MGAT4C: variants seen among roughly 807,000 people sequenced by gnomAD.
MGAT4C encodes alpha-1,3-mannosyl-glycoprotein 4-beta-N-acetylglucosaminyltransferase C.
Under a neutral mutation model 40.1 loss-of-function variants are expected in MGAT4C, and 19 were observed. That is an observed-to-expected ratio of 0.47 (90% CI 0.33 to 0.70). The LOEUF is 0.70. Among genes scored for constraint, MGAT4C ranks in the 30% least tolerant of loss-of-function variants. The pLI, the probability that MGAT4C is intolerant of heterozygous loss-of-function variation, is 0.02. For synonymous variants in MGAT4C, 181 were observed against 187.1 expected (o/e 0.97, Z 0.27); for missense variants, 491 against 563.2 (o/e 0.87, Z 1.30).
intron 1 of MGAT4C, among the ~76,000 whole-genome samples, chr12:86,061,711 G>A (rs139611217): frequency 2.2e-3 from 335 of 152,218 alleles, no homozygotes; most frequent in African/African-American, 7.7e-3. Context: ...CCATTACTGA[G>A]GCTTGAGTAG....
At chr12:86,562,755 G>T (rs1236309435) in intron 2 of MGAT4C, among the ~76,000 whole-genome samples, 1 of 152,082 alleles carries the variant, frequency 6.6e-6, no homozygotes, top group Non-Finnish European at 1.5e-5. Flanking sequence ...ATTTATATAA[G>T]CAGAAATCTG....
chr12:86,330,717 T>C (rs2136172712), intron 4 of MGAT4C, among the ~76,000 whole-genome samples: 1 of 152,314 alleles, frequency 6.6e-6, no homozygotes, highest in South Asian at 2.1e-4. Flanking sequence ...TGATTACTTA[T>C]TATATTACAG....
At position 85,960,634 on chromosome 12, in the gene MGAT4C, C is replaced by A. The variant is rs1471408410; in HGVS notation, c.*18655G>T. The stretch of plus-strand genomic sequence containing the variant: ...CACATATAGAATGGGTTGCATTATC[C>A]TCTCCTTGGAAATATCTTTCAAAGT... On this transcript the variant is annotated 3_prime_UTR_variant, in exon 5 of 5. Transcript: ENST00000611864. The A allele has an allele frequency of 1.3e-5, 2 of 151,812 alleles. No homozygotes were observed. The allele number at this position is 151,812 out of a possible 1,614,324, so 9.4% of individuals were successfully genotyped here.
At chr12:86,836,510 T>G (rs1953039457) in intron 1 of MGAT4C, among the ~76,000 whole-genome samples, 1 of 152,040 alleles carries the variant, frequency 6.6e-6, no homozygotes, top group Non-Finnish European at 1.5e-5. Context: ...GGTAATATAT[T>G]TTGTAATGAA....
At chr12:86,065,028 G>A (rs1225345224) in intron 1 of MGAT4C, among the ~76,000 whole-genome samples, 2 of 152,060 alleles carry the variant, frequency 1.3e-5, no homozygotes, top group Non-Finnish European at 2.9e-5. Context: ...TTGCATCCCC[G>A]AATAGACCAA....
intron 1 of MGAT4C, among the ~76,000 whole-genome samples, chr12:86,066,743 C>A (rs1354660261): frequency 2.6e-5 from 4 of 151,930 alleles, no homozygotes; most frequent in Non-Finnish European, 5.9e-5. Context: ...TTCTGCACAG[C>A]AAAAGAAACT....
At chr12:86,765,152 A>G (rs569830943) in intron 1 of MGAT4C, among the ~76,000 whole-genome samples, 22 of 152,316 alleles carry the variant, frequency 1.4e-4, no homozygotes, top group East Asian at 5.8e-4. Flanking sequence ...TAGAATAACC[A>G]ATACAGAGAA....
At chr12:86,380,506 G>C (rs1282605523) in intron 3 of MGAT4C, among the ~76,000 whole-genome samples, 4 of 152,110 alleles carry the variant, frequency 2.6e-5, no homozygotes, top group Non-Finnish European at 5.9e-5. Context: ...GACTTCGTTT[G>C]GTAGAAAGTA....
chr12:86,059,142 T>G (rs975907948), intron 1 of MGAT4C, among the ~76,000 whole-genome samples: 1 of 152,170 alleles, frequency 6.6e-6, no homozygotes, highest in Non-Finnish European at 1.5e-5. Context: ...CCTCCCAGGT[T>G]CAGGCAATTC....
chr12:86,515,769 C>G (rs975874012), intron 2 of MGAT4C, among the ~76,000 whole-genome samples: 2 of 143,278 alleles, frequency 1.4e-5, no homozygotes, highest in African/African-American at 5.3e-5. Flanking sequence ...GACGGAGTCT[C>G]GCTCTGTCTG....
chr12:86,613,182 C>T (rs1962341787), intron 2 of MGAT4C, among the ~76,000 whole-genome samples: 1 of 151,964 alleles, frequency 6.6e-6, no homozygotes, highest in Non-Finnish European at 1.5e-5. Flanking sequence ...GATGATTCTA[C>T]CAATTTATAT....
At chr12:86,018,276 T>C (rs1385389580) in intron 2 of MGAT4C, among the ~76,000 whole-genome samples, 1 of 152,180 alleles carries the variant, frequency 6.6e-6, no homozygotes, top group Non-Finnish European at 1.5e-5. Context: ...TGTAACATTT[T>C]ATTTAATCAT....
intron 2 of MGAT4C, chr12:86,435,305 T>C (rs1476118079): frequency 6.6e-6 from 1 of 151,922 alleles, no homozygotes; most frequent in Non-Finnish European, 1.5e-5. Flanking sequence ...CAAAAAAGTG[T>C]TGTAAACATT....
intron 2 of MGAT4C, among the ~76,000 whole-genome samples, chr12:86,615,674 C>T (rs1962425342): frequency 6.6e-6 from 1 of 152,024 alleles, no homozygotes; most frequent in Non-Finnish European, 1.5e-5. Flanking sequence ...GAACGCTAAT[C>T]CTATGAGATA....
chr12:86,544,572 C>G (rs1959183547), intron 2 of MGAT4C, among the ~76,000 whole-genome samples: 1 of 152,122 alleles, frequency 6.6e-6, no homozygotes, highest in Non-Finnish European at 1.5e-5. Flanking sequence ...ATTTTAGTTA[C>G]TGATCCTCAA....
intron 1 of MGAT4C, among the ~76,000 whole-genome samples, chr12:86,730,473 A>G (rs1008975578): frequency 6.6e-6 from 1 of 152,062 alleles, no homozygotes; most frequent in Non-Finnish European, 1.5e-5. Context: ...TCTCAATGCT[A>G]TAAGCTGTTG....
chr12:86,760,514 T>G (rs1182200624), intron 1 of MGAT4C, among the ~76,000 whole-genome samples: 1 of 152,012 alleles, frequency 6.6e-6, no homozygotes, highest in African/African-American at 2.4e-5. Context: ...AAAAATGATC[T>G]TATTGCCTGA....
chr12:86,480,003 T>C (rs1222711562), intron 2 of MGAT4C, among the ~76,000 whole-genome samples: 1 of 151,894 alleles, frequency 6.6e-6, no homozygotes, highest in African/African-American at 2.4e-5. Context: ...TTTACATGAA[T>C]ACATAATACC....
intron 2 of MGAT4C, among the ~76,000 whole-genome samples, chr12:86,493,703 C>G (rs150342978): frequency 6.6e-6 from 1 of 151,598 alleles, no homozygotes; most frequent in South Asian, 2.1e-4. Context: ...TGCTATATGA[C>G]GAGTTAATGG....
Sources: gnomAD v4.1 joint callset for allele counts (sites outside exome capture counted in the v4.1 genomes callset) on GRCh38, gnomAD v4.1.1 for gene constraint, MANE v1.5 for transcripts, NCBI Gene and HGNC (gene_info 2026-07-23, HGNC 2026-07-21) for gene names.